IGF1R: variants seen among roughly 807,000 people sequenced by gnomAD.
The protein encoded by IGF1R is insulin like growth factor 1 receptor.
A neutral mutation model predicts 144.6 loss-of-function variants in IGF1R; 44 were observed. The observed-to-expected ratio is 0.30, with a 90% CI of 0.24 to 0.39. The LOEUF (loss-of-function observed/expected upper bound fraction) is 0.39. Ranked by LOEUF, IGF1R falls within the 10% of genes least tolerant of loss-of-function variation. IGF1R has a pLI of 1.00. For synonymous variants in IGF1R, 795 were observed against 722.8 expected (o/e 1.10, Z -1.60); for missense variants, 1,355 against 1,833.7 (o/e 0.74, Z 4.77).
chr15:98,852,782 C>T (rs764790644), intron 2 of IGF1R, among the ~76,000 whole-genome samples: 2 of 152,142 alleles, frequency 1.3e-5, no homozygotes, highest in Non-Finnish European at 2.9e-5. Context: ...TCTCTCTCAC[C>T]GTGGCCATTA....
intron 2 of IGF1R, among the ~76,000 whole-genome samples, chr15:98,832,199 T>G (rs555739902): frequency 7.2e-5 from 11 of 152,302 alleles, no homozygotes; most frequent in Admixed American, 7.2e-4. Context: ...ATGCACAGAT[T>G]CTGTGTGCCC....
intron 10 of IGF1R, among the ~76,000 whole-genome samples, chr15:98,919,040 T>C (rs1256388051): frequency 1.3e-5 from 2 of 152,206 alleles, no homozygotes; most frequent in Non-Finnish European, 2.9e-5. Context: ...ATCCAGGATA[T>C]CTTTGTATCA....
At chr15:98,708,856 C>CT (rs2053928103) in intron 2 of IGF1R, among the ~76,000 whole-genome samples, 1 of 152,188 alleles carries the variant, frequency 6.6e-6, no homozygotes, top group African/African-American at 2.4e-5. Flanking sequence ...AGTGAAGGAA[C>CT]TTTGGAAAGT....
chr15:98,888,438 A>AGAGAGAGTGTGTGTGTGTGTGT (rs1555457179), intron 2 of IGF1R, among the ~76,000 whole-genome samples: 45 of 143,454 alleles, frequency 3.1e-4, no homozygotes, highest in African/African-American at 1.2e-3. Flanking sequence ...AGAGAGAGAG[A>AGAGAGAGTGTGTGTGTGTGTGT]GTGTGTGTGT....
chr15:98,916,418 T>C (rs1447746601), intron 9 of IGF1R: 2 of 560,936 alleles, frequency 3.6e-6, no homozygotes, highest in East Asian at 3.2e-5. Flanking sequence ...TGCACCACCA[T>C]GCCCAGCTAA....
chr15:98,770,161 C>G (rs529895099), intron 2 of IGF1R, among the ~76,000 whole-genome samples: 1 of 152,348 alleles, frequency 6.6e-6, no homozygotes, highest in South Asian at 2.1e-4. Flanking sequence ...TCCACCATGT[C>G]ACTCTGACTT....
At chr15:98,791,087 G>C (rs1380994246) in intron 2 of IGF1R, among the ~76,000 whole-genome samples, 2 of 152,190 alleles carry the variant, frequency 1.3e-5, no homozygotes, top group African/African-American at 2.4e-5. Context: ...TTCATGCTCA[G>C]ATGATTCAGT....
At chr15:98,820,898 C>T (rs2056789714) in intron 2 of IGF1R, 1 of 152,078 alleles carries the variant, frequency 6.6e-6, no homozygotes, top group African/African-American at 2.4e-5. Context: ...ATCGCAAGGC[C>T]CCAGTTCACG....
intron 1 of IGF1R, among the ~76,000 whole-genome samples, chr15:98,670,587 G>C (rs1024968846): frequency 6.6e-6 from 1 of 152,180 alleles, no homozygotes; most frequent in African/African-American, 2.4e-5. Flanking sequence ...AAATAACCCT[G>C]AGCCTTTTTG....
intron 20 of IGF1R, chr15:98,953,103 G>C (rs188253971): frequency 5.8e-4 from 89 of 152,292 alleles, no homozygotes; most frequent in Admixed American, 5.7e-3. Context: ...ACCTCTGCCG[G>C]GTCCCAGGTG....
chr15:98,784,568 C>T (rs1425389565), intron 2 of IGF1R: 3 of 153,960 alleles, frequency 1.9e-5, no homozygotes, highest in African/African-American at 7.2e-5. Context: ...CCTAGTTTAG[C>T]GTCCAGTTTG....
At chr15:98,918,440 A>G (rs541305177) in intron 10 of IGF1R, among the ~76,000 whole-genome samples, 121 of 152,346 alleles carry the variant, frequency 7.9e-4, no homozygotes, top group African/African-American at 2.5e-3. Flanking sequence ...GATATTTGCA[A>G]AATGGTTGAA....
chr15:98,829,885 T>G (rs908937557), intron 2 of IGF1R, among the ~76,000 whole-genome samples: 1 of 152,238 alleles, frequency 6.6e-6, no homozygotes, highest in African/African-American at 2.4e-5. Context: ...TTGTTTTTCA[T>G]TGTAAAACTA....
At chr15:98,822,912 T>A (rs577176859) in intron 2 of IGF1R, among the ~76,000 whole-genome samples, 1 of 152,332 alleles carries the variant, frequency 6.6e-6, no homozygotes, top group South Asian at 2.1e-4. Context: ...GAAGCGTGAA[T>A]GATTTAAATG....
chr15:98,904,442 A>G (rs1441226535), intron 5 of IGF1R, among the ~76,000 whole-genome samples: 1 of 152,198 alleles, frequency 6.6e-6, no homozygotes, highest in Non-Finnish European at 1.5e-5. Flanking sequence ...TTGTCTGAAT[A>G]TCTGTATGGT....
chr15:98,793,277 A>G (rs1050396311), intron 2 of IGF1R, among the ~76,000 whole-genome samples: 1 of 152,258 alleles, frequency 6.6e-6, no homozygotes, highest in Non-Finnish European at 1.5e-5. Context: ...TAGAAAAGGA[A>G]AACAAGTACT....
At chr15:98,852,876 C>T (rs1398873) in intron 2 of IGF1R, among the ~76,000 whole-genome samples, 23,920 of 152,226 alleles carry the variant, frequency 0.16, 3,617 homozygotes, top group African/African-American at 0.4. Flanking sequence ...TTCTGGCTTT[C>T]TTCTCTTCCA....
At chr15:98,677,941 A>T (rs116826379) in intron 1 of IGF1R, among the ~76,000 whole-genome samples, 467 of 152,332 alleles carry the variant, frequency 3.1e-3, no homozygotes, top group African/African-American at 0.011. Context: ...CAGAATTGTT[A>T]CATGTTGATT....
At chr15:98,780,170 TA>T (rs528014457) in intron 2 of IGF1R, among the ~76,000 whole-genome samples, 1 of 150,642 alleles carries the variant, frequency 6.6e-6, no homozygotes, top group Non-Finnish European at 1.5e-5. Context: ...ATAAATAAAA[TA>T]AAAAAAGAAA....
Sources: allele counts gnomAD v4.1 joint callset (sites outside exome capture counted in the v4.1 genomes callset), GRCh38; gene constraint gnomAD v4.1.1; transcripts MANE v1.5; gene names NCBI Gene and HGNC (gene_info 2026-07-23, HGNC 2026-07-21).